The following BDH1 variants were observed in gnomAD, a reference collection of about 807,000 sequenced individuals.
BDH1 encodes 3-hydroxybutyrate dehydrogenase 1.
In BDH1, 30 loss-of-function variants were observed where a neutral mutation model predicts 33.1. The observed-to-expected ratio is 0.91, with a 90% CI of 0.68 to 1.23. The LOEUF is 1.23. Among genes scored for constraint, BDH1 ranks in the 50% most tolerant of loss-of-function variants. BDH1 has a pLI of 0.00. For synonymous variants in BDH1, 190 were observed against 183.6 expected, an observed-to-expected ratio of 1.03 and a Z score of -0.28; for missense variants, 443 against 464.4, an observed-to-expected ratio of 0.95 and a Z score of 0.42.
rs945002531 is a variant in BDH1 at position 197,526,755 on chromosome 3, C to T, written c.268-3974G>A. Among the ~76,000 whole-genome samples the T allele has an allele frequency of 2.3e-4, 35 of 152,340 alleles. No individual in the cohort carries two copies. The highest frequency in any genetic ancestry group is 3.4e-3 in the Middle Eastern group (1 of 294). ...CTCTCCCGACCAGCTCTCCGTGCTC[C>T]GCTCCCAGACGAGCCACTCCTGTCT... is the stretch of plus-strand genomic sequence containing the variant. On this transcript the variant is annotated intron_variant, in intron 5 of 7. Coordinates refer to ENST00000392379, the MANE Select transcript of BDH1 (RefSeq NM_203314.3). This position sits in a 1 kb window ranked among gnomAD's most constrained non-coding sequence, Gnocchi z 4.7.
chr3:197,510,363 C>G lies in BDH1; in HGVS notation c.*1532G>C, dbSNP rs547072734. ...CCAGGGAGAGGCGGAAACGCGGAGT[C>G]TGATTCGAAGGCGGGCACTGGGGAC... On this transcript the variant is annotated 3_prime_UTR_variant, in exon 8 of 8. Coordinates refer to ENST00000392379, the MANE Select transcript of BDH1 (RefSeq NM_203314.3). 6.6e-6 allele frequency: 1 copy of G among 152,280 alleles called. No individual in the cohort carries two copies. The highest frequency in any genetic ancestry group is 1.5e-5 in the Non-Finnish European group (1 of 68,126). The allele number at this position is 152,280 out of a possible 1,614,324, so 9.4% of individuals were successfully genotyped here. A position where few individuals can be genotyped will look rare whatever the true frequency, so the allele number is the denominator to read the frequency against.
chr3:197,572,401 C>T (rs777024309), intron 1 of BDH1, among the ~76,000 whole-genome samples: 58 of 152,158 alleles, frequency 3.8e-4, no homozygotes, highest in Non-Finnish European at 5.9e-4. Flanking sequence ...TGAATGCACA[C>T]GTACACATAG....
chr3:197,532,930 G>A (rs1265172522), intron 4 of BDH1, among the ~76,000 whole-genome samples: 3 of 152,286 alleles, frequency 2.0e-5, no homozygotes, highest in Non-Finnish European at 2.9e-5. Flanking sequence ...AGGCTGGAGG[G>A]CAATGGCCAG....
chr3:197,536,617 G>C (rs1208799878), intron 3 of BDH1, among the ~76,000 whole-genome samples: 1 of 152,180 alleles, frequency 6.6e-6, no homozygotes, highest in African/African-American at 2.4e-5. Flanking sequence ...GAGGCAGGTG[G>C]ATCAACTGAG....
chr3:197,522,809 C>T lies in BDH1; in HGVS notation c.268-28G>A, dbSNP rs1293296956. ...GGGGAGGAGAGAAGAGCTGCTTCTA[C>T]CTCCTTCCTTCCCACCCTGAGGCAG... On this transcript the variant is annotated intron_variant, in intron 5 of 7. Coordinates refer to ENST00000392379, the MANE Select transcript of BDH1 (RefSeq NM_203314.3). The surrounding 1 kb of genome is among the most constrained non-coding windows in gnomAD (Gnocchi z 4.8). 29 of 1,610,422 alleles carry T rather than the reference C, an allele frequency of 1.8e-5. No homozygotes were observed. The highest frequency in any genetic ancestry group is 2.4e-5 in the Non-Finnish European group (28 of 1,177,506).
chr3:197,532,507 C>G lies in BDH1; in HGVS notation c.172G>C (p.Val58Leu). 1 of 1,614,102 alleles carries G rather than the reference C, an allele frequency of 6.2e-7. No homozygotes were observed. Among genetic ancestry groups the G allele is most frequent in the South Asian group, 1.1e-5 (1 of 91,086 alleles). ...CCAGAGTCACAGCCTGTGACCAGGA[C>G]AGCTTTGCTGCCAACCTGTTTTACA... ...SAAEPVGSKA[V>L]LVTGCDSGFG... is the part of the protein sequence containing the mutation. The change falls in exon 5 of 8, where the codon GTC becomes CTC. Residue 58 changes from valine to leucine, a missense_variant. By Grantham distance (32) the Val-to-Leu change is conservative (BLOSUM62 1). Coordinates refer to ENST00000392379, the MANE Select transcript of BDH1 (RefSeq NM_203314.3).
In BDH1 at chr3:197,514,025, CTT is replaced by C; in HGVS notation, c.562+237_562+238del. ...GTGCAGAGTGGATGGCTGCTCAACT[CTT>C]TAAGCTTTTGCTGCATGGACCACTG... On this transcript the variant is annotated intron_variant, in intron 7 of 7. Transcript: ENST00000392379. This position sits in a 1 kb window ranked among gnomAD's most constrained non-coding sequence, Gnocchi z 4.2. The C allele has an allele frequency of 2.0e-6, 1 of 511,948 alleles. No individual in the cohort carries two copies. 31.7% of individuals were successfully genotyped at this position (511,948 alleles called of 1,614,324 possible). A position where few individuals can be genotyped will look rare whatever the true frequency, so the allele number is the denominator to read the frequency against.
At chr3:197,561,632 T>TTTGTTG (rs757062000) in intron 1 of BDH1, among the ~76,000 whole-genome samples, 57 of 152,290 alleles carry the variant, frequency 3.7e-4, no homozygotes, top group African/African-American at 1.3e-3. Flanking sequence ...TTGTTGGGGT[T>TTTGTTG]TTGTTGTTGT....
intron 3 of BDH1, chr3:197,546,155 G>T (rs1484938205): frequency 5.8e-6 from 3 of 518,122 alleles, no homozygotes; most frequent in Non-Finnish European, 1.0e-5. Flanking sequence ...AAAATAAGTG[G>T]TTATGAAAGA....
At chr3:197,534,233 C>T (rs986413225) in intron 3 of BDH1, 3 of 152,226 alleles carry the variant, frequency 2.0e-5, no homozygotes, top group Non-Finnish European at 2.9e-5. Context: ...GCCACACCTA[C>T]TTTCTTCCCA....
intron 1 of BDH1, among the ~76,000 whole-genome samples, chr3:197,565,112 G>A (rs923926743): frequency 6.6e-6 from 1 of 152,098 alleles, no homozygotes; most frequent in Non-Finnish European, 1.5e-5. Context: ...AGTATACACA[G>A]GGTTTCTCCA....
At chr3:197,547,396 C>T (rs1337994098) in intron 2 of BDH1, among the ~76,000 whole-genome samples, 2 of 152,236 alleles carry the variant, frequency 1.3e-5, no homozygotes, top group African/African-American at 4.8e-5. Flanking sequence ...GGCTCCTCCC[C>T]TGCCTGTTTG....
At chr3:197,540,265 G>C (rs533662550) in intron 3 of BDH1, among the ~76,000 whole-genome samples, 1 of 151,882 alleles carries the variant, frequency 6.6e-6, no homozygotes, top group East Asian at 2.0e-4. Context: ...TGTTGGCCAG[G>C]CTGGTCTCGA....
At position 197,522,530 on chromosome 3, in the gene BDH1, TAAGG is replaced by T. The variant is rs1713662195; in HGVS notation, c.409+106_409+109del. 2 of 1,413,908 alleles carry T rather than the reference TAAGG, an allele frequency of 1.4e-6. No individual in the cohort carries two copies. The highest frequency in any genetic ancestry group is 2.5e-5 in the South Asian group (2 of 78,636). The allele number at this position is 1,413,908 out of a possible 1,614,324, so 87.6% of individuals were successfully genotyped here. On this transcript the variant is annotated intron_variant, in intron 6 of 7. Transcript: ENST00000392379. This position sits in a 1 kb window ranked among gnomAD's most constrained non-coding sequence, Gnocchi z 4.8. Reference sequence around the variant, plus strand: ...TGTGCAGGAGGAAGAGCCTAAACAATAAGGAAGGGAGTGTGGTGGCAGGATGCCA... The same window carrying T: ...TGTGCAGGAGGAAGAGCCTAAACAATAAGGGAGTGTGGTGGCAGGATGCCA...
Position 197,511,776 on chromosome 3 carries a change from A to G in BDH1, c.*119T>C, listed in dbSNP as rs969776697. On this transcript the variant is annotated 3_prime_UTR_variant, in exon 8 of 8. Transcript: ENST00000392379. ...CCTCTAGTTAGTGTTAAAACCAGTTATGGGTCTTCCTGGCATGGTGGATAA... is the reference window on the plus strand; with the variant it reads ...CCTCTAGTTAGTGTTAAAACCAGTTGTGGGTCTTCCTGGCATGGTGGATAA... 2 of 1,008,994 alleles carry G rather than the reference A, an allele frequency of 2.0e-6. No individual in the cohort carries two copies. The highest frequency in any genetic ancestry group is 1.6e-5 in the African/African-American group (1 of 61,402). The allele number at this position is 1,008,994 out of a possible 1,614,324, so 62.5% of individuals were successfully genotyped here. A position where few individuals can be genotyped will look rare whatever the true frequency, so the allele number is the denominator to read the frequency against.
Position 197,533,673 on chromosome 3 carries a change from T to A in BDH1, c.84-112A>T, listed in dbSNP as rs1409018757. On this transcript the variant is annotated intron_variant, in intron 3 of 7. Transcript: ENST00000392379. ...CCAGCCCCGGCTCCTGGAGACAGCT[T>A]GCTGGTACAACTGAGTAAGAGGCCC... The A allele has an allele frequency of 8.7e-6, 9 of 1,037,036 alleles. No individual in the cohort carries two copies. The East Asian group carries it at 2.3e-4, about 26-fold the overall frequency. The allele number at this position is 1,037,036 out of a possible 1,614,324, so 64.2% of individuals were successfully genotyped here. A position where few individuals can be genotyped will look rare whatever the true frequency, so the allele number is the denominator to read the frequency against.
chr3:197,536,559 G>A (rs966306089), intron 3 of BDH1, among the ~76,000 whole-genome samples: 7 of 152,164 alleles, frequency 4.6e-5, no homozygotes, highest in African/African-American at 1.4e-4. Context: ...CCATACATGC[G>A]GCCGGGCATG....
intron 1 of BDH1, among the ~76,000 whole-genome samples, chr3:197,565,810 C>T (rs2108776044): frequency 6.6e-6 from 1 of 152,260 alleles, no homozygotes. Flanking sequence ...AGAACTCTAA[C>T]AGGTGTTCCT....
At chr3:197,515,127 A>G (rs767057753) in intron 6 of BDH1, among the ~76,000 whole-genome samples, 9 of 152,232 alleles carry the variant, frequency 5.9e-5, no homozygotes, top group Admixed American at 1.3e-4. Context: ...CAAGTTAATC[A>G]TGGAAATGAG....
Sources: gnomAD v4.1 joint callset for allele counts (sites outside exome capture counted in the v4.1 genomes callset) on GRCh38, gnomAD v4.1.1 for gene constraint, Gnocchi (gnomAD v3.1) non-coding constraint, MANE v1.5 for transcripts, NCBI Gene and HGNC (gene_info 2026-07-23, HGNC 2026-07-21) for gene names.